The following VASH2 variants were observed in gnomAD, a reference collection of about 807,000 sequenced individuals.
VASH2 encodes the protein tubulinyl-Tyr carboxypeptidase 2.
In VASH2, 28 loss-of-function variants were observed where a neutral mutation model predicts 37.2. The observed-to-expected ratio is 0.75, with a 90% CI of 0.56 to 1.03. The LOEUF (loss-of-function observed/expected upper bound fraction) is 1.03. Ranked by LOEUF, VASH2 falls within the 50% of genes least tolerant of loss-of-function variation. VASH2 has a pLI of 0.00. For missense variants in VASH2, 419 were observed against 459.1 expected, an observed-to-expected ratio of 0.91 and a Z score of 0.80; for synonymous variants, 188 against 174.7, an observed-to-expected ratio of 1.08 and a Z score of -0.60.
At chr1:212,974,381 T>C (rs1316224561) in intron 7 of VASH2, among the ~76,000 whole-genome samples, 2 of 152,198 alleles carry the variant, frequency 1.3e-5, no homozygotes, top group Non-Finnish European at 2.9e-5. Context: ...AACCTGGGGC[T>C]GGAACTGGCT....
At chr1:212,973,112 C>A in intron 6 of VASH2, 151 bp downstream of exon 6, 1 of 1,000,344 alleles carries the variant, frequency 1.0e-6, no homozygotes, top group South Asian at 1.7e-5. Flanking sequence ...CAAAGAAAGC[C>A]ATCTAAAATC....
intron 7 of VASH2, among the ~76,000 whole-genome samples, chr1:212,975,111 C>T (rs1667130036): frequency 6.6e-6 from 1 of 152,174 alleles, no homozygotes; most frequent in Non-Finnish European, 1.5e-5. Flanking sequence ...ACAAAAAGGG[C>T]TTGTTATCTT....
chr1:212,959,663 G>A (rs866070270), intron 2 of VASH2, among the ~76,000 whole-genome samples: 1 of 152,230 alleles, frequency 6.6e-6, no homozygotes. Flanking sequence ...CCCAGGCGGG[G>A]GGCAGCGTGC....
chr1:212,965,806 A>G (rs1351838575), intron 4 of VASH2, 28 bp downstream of exon 4: 21 of 1,544,916 alleles, frequency 1.4e-5, no homozygotes, highest in South Asian at 9.5e-5. Flanking sequence ...TATGGGCCAG[A>G]TGACCTCTCT....
intron 7 of VASH2, among the ~76,000 whole-genome samples, chr1:212,982,218 A>G (rs769913814): frequency 6.6e-6 from 1 of 152,128 alleles, no homozygotes; most frequent in Non-Finnish European, 1.5e-5. Context: ...TTACGTCACA[A>G]CAGGTGAGGC....
In VASH2 at chr1:212,990,558, A is replaced by G. The variant is rs1474332664; in HGVS notation, c.*1974A>G. The G allele has an allele frequency of 1.3e-5, 2 of 152,230 alleles. No homozygotes were observed. The highest frequency in any genetic ancestry group is 2.9e-5 in the Non-Finnish European group (2 of 68,048). The allele number at this position is 152,230 out of a possible 1,614,324, so 9.4% of individuals were successfully genotyped here. A position where few individuals can be genotyped will look rare whatever the true frequency, so the allele number is the denominator to read the frequency against. ...CTAAGAGTTGGAATTTATTTTTGCC[A>G]AGTATTAAGTACTGTTACATCTAAA... On this transcript the variant is annotated 3_prime_UTR_variant, in exon 8 of 8. Transcript: ENST00000517399.
chr1:212,979,886 C>G lies in VASH2; in HGVS notation c.995+5816C>G, dbSNP rs369155675. 2.0e-5 allele frequency among the ~76,000 whole-genome samples: 3 copies of G among 152,188 alleles called. No individual in the cohort carries two copies. In the East Asian group the frequency reaches 5.8e-4, roughly 29 times the overall value. On this transcript the variant is annotated intron_variant, in intron 7 of 7. Transcript: ENST00000517399. ...TTGAGATTCATGTTTCAAAGGCCAT[C>G]TGTGAACTTAAACCAACTCCTTCCC...
chr1:212,963,246 G>A (rs77900096), intron 3 of VASH2, among the ~76,000 whole-genome samples: 5,365 of 152,236 alleles, frequency 0.035, 125 homozygotes, highest in Non-Finnish European at 0.052. Context: ...GACTGCGAAG[G>A]TCAATGACCA....
At chr1:212,954,118 G>C (rs2102616818) in intron 2 of VASH2, among the ~76,000 whole-genome samples, 1 of 152,194 alleles carries the variant, frequency 6.6e-6, no homozygotes, top group African/African-American at 2.4e-5. Context: ...TCACCGTGTT[G>C]CCCAGACTGG....
intron 2 of VASH2, among the ~76,000 whole-genome samples, chr1:212,956,914 T>G (rs1666514419): frequency 6.6e-6 from 1 of 152,228 alleles, no homozygotes; most frequent in East Asian, 1.9e-4. Flanking sequence ...AGTGTACAAC[T>G]CTGTGGCATT....
At chr1:212,957,750 A>G (rs1666540457) in intron 2 of VASH2, among the ~76,000 whole-genome samples, 1 of 151,130 alleles carries the variant, frequency 6.6e-6, no homozygotes, top group South Asian at 2.1e-4. Flanking sequence ...AGCTGGGTTT[A>G]CAGGCGCCTA....
intron 5 of VASH2, chr1:212,968,156 T>C: frequency 1.0e-6 from 1 of 963,178 alleles, no homozygotes; most frequent in Non-Finnish European, 1.2e-6. Context: ...CGGAATGAGG[T>C]ATTTGCAATG....
At chr1:212,955,849 C>T (rs931590551) in intron 2 of VASH2, among the ~76,000 whole-genome samples, 1 of 152,240 alleles carries the variant, frequency 6.6e-6, no homozygotes, top group Non-Finnish European at 1.5e-5. Context: ...CTCCCCCATC[C>T]TGGATTGAGA....
rs142483320 is a variant in VASH2, at chr1:212,991,047, A to C, written c.*2463A>C. The C allele has an allele frequency of 6.6e-6, 1 of 152,382 alleles. No homozygotes were observed. The highest frequency in any genetic ancestry group is 2.4e-5 in the African/African-American group (1 of 41,594). The allele number at this position is 152,382 out of a possible 1,614,324, so 9.4% of individuals were successfully genotyped here. On this transcript the variant is annotated 3_prime_UTR_variant, in exon 8 of 8. Coordinates refer to ENST00000517399, the MANE Select transcript of VASH2 (RefSeq NM_001301056.2). ...ATCGGTTTTAAAAAGTTGTTAGTGC[A>C]AGAGAAATTTTATGTTTAAGCCATC... is the stretch of plus-strand genomic sequence containing the variant.
At chr1:212,957,172 G>A (rs751357841) in intron 2 of VASH2, among the ~76,000 whole-genome samples, 36 of 152,192 alleles carry the variant, frequency 2.4e-4, no homozygotes, top group Admixed American at 7.2e-4. Context: ...TGTCATCAAG[G>A]TTCATCTATG....
chr1:212,972,281 G>C (rs1667033574), intron 5 of VASH2, among the ~76,000 whole-genome samples: 1 of 152,142 alleles, frequency 6.6e-6, no homozygotes, highest in African/African-American at 2.4e-5. Context: ...GTGAGCCCCA[G>C]GAGCAGAGGA....
At chr1:212,979,456 G>A (rs1194435259) in intron 7 of VASH2, among the ~76,000 whole-genome samples, 1 of 152,120 alleles carries the variant, frequency 6.6e-6, no homozygotes, top group Non-Finnish European at 1.5e-5. Context: ...GGGCCCAAAG[G>A]GTGGAAAATT....
At chr1:212,968,925 C>T (rs1376243755) in intron 5 of VASH2, 1 of 985,450 alleles carries the variant, frequency 1.0e-6, no homozygotes, top group African/African-American at 1.7e-5. Flanking sequence ...ACCTCCCTTA[C>T]ACAATAGTCT....
chr1:212,972,248 T>C (rs1009374644), intron 5 of VASH2, among the ~76,000 whole-genome samples: 5 of 152,188 alleles, frequency 3.3e-5, no homozygotes, highest in African/African-American at 1.2e-4. Context: ...CATGAGGCTG[T>C]TCCAGGCCGG....
Sources: allele counts gnomAD v4.1 joint callset (sites outside exome capture counted in the v4.1 genomes callset), GRCh38; gene constraint gnomAD v4.1.1; transcripts MANE v1.5; gene names NCBI Gene and HGNC (gene_info 2026-07-23, HGNC 2026-07-21).